AGPS: variants seen among roughly 807,000 people sequenced by gnomAD.
AGPS encodes alkylglycerone phosphate synthase.
A neutral mutation model predicts 90.7 loss-of-function variants in AGPS; 26 were observed. That is an observed-to-expected ratio of 0.29 (90% CI 0.21 to 0.40). The LOEUF (loss-of-function observed/expected upper bound fraction) is 0.40, where lower values mean the gene tolerates loss of function less well. Ranked by LOEUF, AGPS falls within the 10% of genes least tolerant of loss-of-function variation. The pLI is 1.00. For synonymous variants in AGPS, 294 were observed against 285.3 expected (o/e 1.03, Z -0.31); for missense variants, 540 against 816.1 (o/e 0.66, Z 4.12).
intron 17 of AGPS, among the ~76,000 whole-genome samples, chr2:177,514,825 A>T (rs536093894): frequency 6.6e-6 from 1 of 152,100 alleles, no homozygotes; most frequent in African/African-American, 2.4e-5. Context: ...TGAGGAAAGC[A>T]TCTTTCTTAC....
At chr2:177,395,971 T>C (rs73979736) in intron 1 of AGPS, among the ~76,000 whole-genome samples, 4,183 of 149,154 alleles carry the variant, frequency 0.028, 204 homozygotes, top group African/African-American at 0.098. Flanking sequence ...GTCTTCAGCC[T>C]CAAAGAGTTC....
chr2:177,430,578 T>G (rs1686213136), intron 2 of AGPS, among the ~76,000 whole-genome samples: 1 of 152,072 alleles, frequency 6.6e-6, no homozygotes, highest in African/African-American at 2.4e-5. Context: ...AATCTCTCAC[T>G]GCTCTGCTTG....
chr2:177,482,669 A>G (rs1682520253), intron 11 of AGPS, among the ~76,000 whole-genome samples: 1 of 152,138 alleles, frequency 6.6e-6, no homozygotes, highest in African/African-American at 2.4e-5. Flanking sequence ...ATGTGCTGCT[A>G]CTAGGCTATA....
Position 177,543,582 on chromosome 2 carries a change from T to C in AGPS, c.*5387T>C, listed in dbSNP as rs1266562575. ...CTAATGCATACAAACAATTCTTCTC[T>C]TTACATTTATAGTCTAAAAGGGGAT... On this transcript the variant is annotated 3_prime_UTR_variant, in exon 20 of 20. Transcript: ENST00000264167. 1 of 152,234 alleles carries C rather than the reference T, an allele frequency of 6.6e-6. No individual in the cohort carries two copies. The highest frequency in any genetic ancestry group is 2.4e-5 in the African/African-American group (1 of 41,468). The allele number at this position is 152,234 out of a possible 1,614,324, so 9.4% of individuals were successfully genotyped here.
At chr2:177,415,055 G>C (rs564620186) in intron 1 of AGPS, among the ~76,000 whole-genome samples, 1 of 152,000 alleles carries the variant, frequency 6.6e-6, no homozygotes, top group South Asian at 2.1e-4. Flanking sequence ...CTTAAATGCT[G>C]TTTTACTATG....
At chr2:177,443,174 T>G (rs1282907903) in intron 7 of AGPS, among the ~76,000 whole-genome samples, 1 of 152,210 alleles carries the variant, frequency 6.6e-6, no homozygotes, top group African/African-American at 2.4e-5. Flanking sequence ...ACATAACTAT[T>G]ATTATCACTC....
chr2:177,444,420 CAAA>C (rs10618529), intron 7 of AGPS, among the ~76,000 whole-genome samples: 6,130 of 90,948 alleles, frequency 0.067, 239 homozygotes, highest in African/African-American at 0.16. Context: ...GACTCTGTCT[CAAA>C]AAAAAAAAAA....
At chr2:177,493,281 A>G in intron 12 of AGPS, 82 bp downstream of exon 12, 1 of 1,230,830 alleles carries the variant, frequency 8.1e-7, no homozygotes, top group South Asian at 1.2e-5. Context: ...CGGAGTGCAG[A>G]GGTAGAAAGA....
At chr2:177,420,147 C>G in intron 1 of AGPS, 122 bp from the exon 2 acceptor site, 1 of 668,820 alleles carries the variant, frequency 1.5e-6, no homozygotes, top group Non-Finnish European at 2.6e-6. Flanking sequence ...TTTATTTAAC[C>G]TTATACAATA....
chr2:177,442,590 T>A, intron 7 of AGPS, 104 bp downstream of exon 7: 3 of 958,574 alleles, frequency 3.1e-6, no homozygotes, highest in Non-Finnish European at 4.8e-6. Flanking sequence ...CTCACGCTTG[T>A]AATCCCAGCA....
intron 5 of AGPS, among the ~76,000 whole-genome samples, chr2:177,438,177 A>C (rs1203719542): frequency 1.3e-5 from 2 of 152,168 alleles, no homozygotes; most frequent in East Asian, 3.8e-4. Context: ...TCCCACAAGA[A>C]ACCTAATAGG....
intron 7 of AGPS, 51 bp downstream of exon 7, chr2:177,442,537 CTTAA>C (rs1686639421): frequency 1.4e-6 from 2 of 1,398,830 alleles, no homozygotes; most frequent in African/African-American, 1.4e-5. Context: ...TTGGCTCCAC[CTTAA>C]TTGTCATTAA....
intron 17 of AGPS, among the ~76,000 whole-genome samples, chr2:177,516,429 C>T (rs967162527): frequency 2.0e-5 from 3 of 152,024 alleles, no homozygotes; most frequent in East Asian, 3.8e-4. Flanking sequence ...TTGACAACCA[C>T]GCTATTACTT....
intron 1 of AGPS, among the ~76,000 whole-genome samples, chr2:177,412,760 A>G (rs1451853571): frequency 6.6e-6 from 1 of 152,106 alleles, no homozygotes; most frequent in African/African-American, 2.4e-5. Context: ...ACGGATTCCA[A>G]GGAATGGAAT....
At chr2:177,401,223 T>C (rs1685321447) in intron 1 of AGPS, among the ~76,000 whole-genome samples, 1 of 152,222 alleles carries the variant, frequency 6.6e-6, no homozygotes, top group Non-Finnish European at 1.5e-5. Flanking sequence ...TTATCTTCTT[T>C]CTCATTCTCT....
chr2:177,510,165 C>T (rs1458787780), intron 16 of AGPS, among the ~76,000 whole-genome samples: 2 of 152,130 alleles, frequency 1.3e-5, no homozygotes, highest in African/African-American at 4.8e-5. Flanking sequence ...ACAATTATTT[C>T]TTACAGCTCT....
intron 15 of AGPS, among the ~76,000 whole-genome samples, chr2:177,507,379 A>G (rs1406857490): frequency 2.6e-5 from 4 of 152,168 alleles, no homozygotes; most frequent in Admixed American, 1.3e-4. Context: ...TACTTGTAAT[A>G]TGAGTATTAT....
chr2:177,452,284 C>A lies in AGPS; in HGVS notation c.870+6658C>A, dbSNP rs1193049723. Among the ~76,000 whole-genome samples the A allele has an allele frequency of 2.6e-5, 4 of 152,256 alleles. No homozygotes were observed. The East Asian group carries it at 7.7e-4, about 29-fold the overall frequency. On this transcript the variant is annotated intron_variant, in intron 8 of 19. Coordinates refer to ENST00000264167, the MANE Select transcript of AGPS (RefSeq NM_003659.4). ...CAGTTATTGAAGGGGGGTATTAAAACCTCCAACAGTAATTGTAGATTTGTA... is the reference window on the plus strand; with the variant it reads ...CAGTTATTGAAGGGGGGTATTAAAAACTCCAACAGTAATTGTAGATTTGTA...
intron 8 of AGPS, among the ~76,000 whole-genome samples, chr2:177,456,419 AC>A (rs1407448506): frequency 6.6e-6 from 1 of 152,238 alleles, no homozygotes; most frequent in African/African-American, 2.4e-5. Flanking sequence ...TTTTCTAGCA[AC>A]AGTAAATGAC....
Sources: allele counts gnomAD v4.1 joint callset (sites outside exome capture counted in the v4.1 genomes callset), GRCh38; gene constraint gnomAD v4.1.1; transcripts MANE v1.5; gene names NCBI Gene and HGNC (gene_info 2026-07-23, HGNC 2026-07-21).